WWOX: variants seen among roughly 807,000 people sequenced by gnomAD.
WWOX encodes WW domain containing oxidoreductase.
Under a neutral mutation model 46.2 loss-of-function variants are expected in WWOX, and 69 were observed. The ratio of observed to expected loss-of-function variants is 1.49; its 90% CI spans 1.23 to 1.82. The LOEUF is 1.82. WWOX is among the 40% of genes most tolerant of loss of function. The pLI is 0.00. For missense variants in WWOX, 919 were observed against 542.6 expected (o/e 1.69, Z -6.89); for synonymous variants, 359 against 202.6 (o/e 1.77, Z -6.56).
At chr16:78,465,686 A>T (rs1034328278) in intron 8 of WWOX, among the ~76,000 whole-genome samples, 1 of 152,208 alleles carries the variant, frequency 6.6e-6, no homozygotes, top group African/African-American at 2.4e-5. Flanking sequence ...GTTCCTTGGT[A>T]TGTAAATTTA....
At chr16:78,268,269 A>G (rs1029996081) in intron 5 of WWOX, among the ~76,000 whole-genome samples, 1 of 152,216 alleles carries the variant, frequency 6.6e-6, no homozygotes, top group Non-Finnish European at 1.5e-5. Context: ...ATTTTTCCCC[A>G]TTGGTAAGTA....
chr16:78,987,910 G>T (rs1019689444), intron 8 of WWOX, among the ~76,000 whole-genome samples: 1 of 152,102 alleles, frequency 6.6e-6, no homozygotes, highest in South Asian at 2.1e-4. Context: ...CACAGGTCTC[G>T]TCATGTCCCT....
At chr16:79,190,933 A>G (rs1035581146) in intron 8 of WWOX, among the ~76,000 whole-genome samples, 4 of 152,212 alleles carry the variant, frequency 2.6e-5, no homozygotes, top group African/African-American at 9.6e-5. Context: ...AATTTTGTGA[A>G]TTGTGGCTAA....
chr16:78,773,169 G>A (rs779071143), intron 8 of WWOX, among the ~76,000 whole-genome samples: 29 of 152,232 alleles, frequency 1.9e-4, no homozygotes, highest in Admixed American at 6.5e-4. Context: ...GGTATCCTAA[G>A]CCGCTAGAAC....
intron 5 of WWOX, among the ~76,000 whole-genome samples, chr16:78,180,910 A>G (rs867292140): frequency 2.0e-5 from 3 of 152,316 alleles, no homozygotes; most frequent in Non-Finnish European, 2.9e-5. Flanking sequence ...ATCCGAAGTT[A>G]GTAAAGGCTT....
chr16:78,873,245 A>G (rs1306675854), intron 8 of WWOX: 3 of 152,152 alleles, frequency 2.0e-5, no homozygotes, highest in Non-Finnish European at 4.4e-5. Context: ...AAAAGTTTAA[A>G]AATTTGTTTT....
chr16:78,892,856 T>G (rs1330630324), intron 8 of WWOX, among the ~76,000 whole-genome samples: 1 of 152,208 alleles, frequency 6.6e-6, no homozygotes, highest in African/African-American at 2.4e-5. Context: ...CTCTGCTGTT[T>G]GAGCATGTTG....
intron 8 of WWOX, among the ~76,000 whole-genome samples, chr16:78,504,047 G>T (rs1171360730): frequency 1.3e-5 from 2 of 152,068 alleles, no homozygotes; most frequent in Non-Finnish European, 2.9e-5. Flanking sequence ...CAGTCAGGGG[G>T]AAAAAAGTGC....
intron 8 of WWOX, among the ~76,000 whole-genome samples, chr16:78,734,369 G>T (rs2049034871): frequency 6.6e-6 from 1 of 152,114 alleles, no homozygotes; most frequent in African/African-American, 2.4e-5. Flanking sequence ...TTATATCGCT[G>T]TTTGGCCCCT....
intron 8 of WWOX, among the ~76,000 whole-genome samples, chr16:78,716,520 C>A (rs1270132817): frequency 6.6e-6 from 1 of 152,088 alleles, no homozygotes; most frequent in Non-Finnish European, 1.5e-5. Flanking sequence ...TTAGGGGATG[C>A]CCTCACTTTT....
chr16:78,820,770 A>C (rs970071486), intron 8 of WWOX, among the ~76,000 whole-genome samples: 2 of 152,138 alleles, frequency 1.3e-5, no homozygotes, highest in Admixed American at 6.5e-5. Flanking sequence ...CGGAAGTCCA[A>C]AATCAAGGCG....
intron 8 of WWOX, among the ~76,000 whole-genome samples, chr16:78,478,994 G>A (rs1299030141): frequency 6.6e-6 from 1 of 151,816 alleles, no homozygotes; most frequent in African/African-American, 2.4e-5. Context: ...TCTGTATTAT[G>A]ATCAACAAGG....
intron 8 of WWOX, among the ~76,000 whole-genome samples, chr16:78,976,272 A>G (rs1452333814): frequency 1.3e-5 from 2 of 152,194 alleles, no homozygotes; most frequent in African/African-American, 2.4e-5. Flanking sequence ...ATCTTGTGAA[A>G]CACTCCTACT....
intron 8 of WWOX, among the ~76,000 whole-genome samples, chr16:79,051,815 G>C (rs1353967780): frequency 6.6e-6 from 1 of 152,164 alleles, no homozygotes; most frequent in Non-Finnish European, 1.5e-5. Context: ...TTAAATATCT[G>C]CTAGCTGTAA....
At chr16:78,623,666 G>A (rs2151647774) in intron 8 of WWOX, among the ~76,000 whole-genome samples, 2 of 151,270 alleles carry the variant, frequency 1.3e-5, no homozygotes, top group South Asian at 4.2e-4. Flanking sequence ...TGTGAAAGGA[G>A]CCATGATGTT....
intron 8 of WWOX, among the ~76,000 whole-genome samples, chr16:78,861,621 A>G (rs2043887447): frequency 1.3e-5 from 2 of 152,146 alleles, no homozygotes; most frequent in South Asian, 4.1e-4. Context: ...ATCACACCCA[A>G]AAACATCACA....
intron 8 of WWOX, among the ~76,000 whole-genome samples, chr16:78,530,820 G>C (rs894272091): frequency 6.6e-6 from 1 of 152,188 alleles, no homozygotes; most frequent in Non-Finnish European, 1.5e-5. Flanking sequence ...GCTAGAGATA[G>C]TGCTCATAAT....
At chr16:78,863,073 C>T (rs186011102) in intron 8 of WWOX, among the ~76,000 whole-genome samples, 5 of 151,896 alleles carry the variant, frequency 3.3e-5, no homozygotes, top group Non-Finnish European at 7.4e-5. Flanking sequence ...ATTCTCCTGC[C>T]TCAGCCTCCC....
At chr16:78,894,286 TTG>T (rs1490591345) in intron 8 of WWOX, among the ~76,000 whole-genome samples, 1 of 152,088 alleles carries the variant, frequency 6.6e-6, no homozygotes, top group African/African-American at 2.4e-5. Context: ...CATCTAATTG[TTG>T]TGTTATTGGG....
Sources: gnomAD v4.1 joint callset for allele counts (sites outside exome capture counted in the v4.1 genomes callset) on GRCh38, gnomAD v4.1.1 for gene constraint, MANE v1.5 for transcripts, NCBI Gene and HGNC (gene_info 2026-07-23, HGNC 2026-07-21) for gene names.